RELN: variants seen among roughly 807,000 people sequenced by gnomAD.
RELN encodes the protein reelin.
In RELN, 108 loss-of-function variants were observed where a neutral mutation model predicts 427.6. That is an observed-to-expected ratio of 0.25 (90% CI 0.22 to 0.30). The LOEUF (loss-of-function observed/expected upper bound fraction) is 0.30, where lower values mean the gene tolerates loss of function less well. Among genes scored for constraint, RELN ranks in the 10% least tolerant of loss-of-function variants. The pLI is 1.00. For synonymous variants in RELN, 1,524 were observed against 1,513.4 expected, an observed-to-expected ratio of 1.01 and a Z score of -0.16; for missense variants, 3,715 against 4,302.8, an observed-to-expected ratio of 0.86 and a Z score of 3.82.
intron 54 of RELN, 32 bp from the exon 55 acceptor site, chr7:103,497,958 A>T (rs1828890892): frequency 6.2e-7 from 1 of 1,607,284 alleles, no homozygotes; most frequent in Non-Finnish European, 8.5e-7. Flanking sequence ...CCATCAGAAT[A>T]ATTCATTAGA....
At chr7:103,958,999 T>C (rs1478555313) in intron 1 of RELN, among the ~76,000 whole-genome samples, 2 of 152,218 alleles carry the variant, frequency 1.3e-5, no homozygotes, top group Non-Finnish European at 2.9e-5. Context: ...TCGAGTTCAG[T>C]TGCATGATCT....
chr7:103,523,433 T>G lies in RELN; in HGVS notation c.7448A>C (p.Asp2483Ala). ...GCATCTCCCATGGCCACTGCACATG[T>G]CTATGCAGCCATCCCCGATATAGAC... ...DNVYIGDGCI[D>A]MCSGHGRCIQ... The change falls in exon 47 of 65, where the codon GAC (aspartate) becomes GCC (alanine). Residue 2483 changes from aspartate to alanine, a missense_variant. Physicochemically the swap from Asp to Ala is moderately radical, Grantham distance 126. Transcript: ENST00000428762. The G allele has an allele frequency of 6.2e-7, 1 of 1,614,132 alleles. No homozygotes were observed. Among genetic ancestry groups the G allele is most frequent in the Non-Finnish European group, 8.5e-7 (1 of 1,180,022 alleles).
intron 46 of RELN, among the ~76,000 whole-genome samples, chr7:103,532,470 AAAAG>A (rs915903548): frequency 6.6e-5 from 10 of 152,170 alleles, no homozygotes; most frequent in Non-Finnish European, 1.0e-4. Flanking sequence ...AATGAAAAAA[AAAAG>A]AAGAAGCTTT....
In RELN at chr7:103,892,713, C is replaced by T. The variant is rs2116595755; in HGVS notation, c.337+24362G>A. ...AATTATGAATAGGGAGCATAAAACC[C>T]TTATTCAATAATTGGAAAAATACTT... On this transcript the variant is annotated intron_variant, in intron 2 of 64. Transcript: ENST00000428762. 1.3e-5 allele frequency among the ~76,000 whole-genome samples: 2 copies of T among 152,218 alleles called. 1 individual carries two copies. The highest frequency in any genetic ancestry group is 4.8e-5 in the African/African-American group (2 of 41,554).
chr7:103,960,991 G>T (rs1796541505), intron 1 of RELN, among the ~76,000 whole-genome samples: 1 of 152,202 alleles, frequency 6.6e-6, no homozygotes, highest in African/African-American at 2.4e-5. Context: ...ACACAAGAGG[G>T]ACATTTAAAT....
intron 6 of RELN, among the ~76,000 whole-genome samples, chr7:103,746,633 C>A (rs967483131): frequency 6.6e-6 from 1 of 152,276 alleles, no homozygotes; most frequent in South Asian, 2.1e-4. Context: ...CAAAAGAAGA[C>A]ATTTATGCAG....
chr7:103,643,188 G>A (rs1365137367), intron 16 of RELN, among the ~76,000 whole-genome samples: 1 of 151,990 alleles, frequency 6.6e-6, no homozygotes, highest in Non-Finnish European at 1.5e-5. Flanking sequence ...ACAAGGGTGT[G>A]CATTTTCTCC....
chr7:103,860,263 A>C (rs975184415), intron 2 of RELN, among the ~76,000 whole-genome samples: 5 of 152,198 alleles, frequency 3.3e-5, no homozygotes, highest in Admixed American at 3.3e-4. Context: ...TGAGGCAAAT[A>C]TTTTAACACT....
chr7:103,624,630 G>A (rs1277173956), intron 20 of RELN, among the ~76,000 whole-genome samples: 2 of 152,116 alleles, frequency 1.3e-5, no homozygotes, highest in Non-Finnish European at 2.9e-5. Flanking sequence ...ATTTCACCAG[G>A]TTGGCCAGGC....
chr7:103,770,227 G>A (rs1031445437), intron 4 of RELN, among the ~76,000 whole-genome samples: 4 of 152,144 alleles, frequency 2.6e-5, no homozygotes, highest in Admixed American at 2.6e-4. Context: ...TGGGACTACA[G>A]GCATGTGCCA....
intron 3 of RELN, among the ~76,000 whole-genome samples, chr7:103,788,422 T>C (rs1417287165): frequency 2.0e-5 from 3 of 152,154 alleles, no homozygotes; most frequent in Admixed American, 6.6e-5. Flanking sequence ...GATGACACGA[T>C]TGTATATTTA....
chr7:103,787,288 C>G (rs1792041374), intron 3 of RELN, among the ~76,000 whole-genome samples: 1 of 151,858 alleles, frequency 6.6e-6, no homozygotes, highest in Admixed American at 6.6e-5. Context: ...ATTAAAAGAA[C>G]TAGTAAAGCA....
chr7:103,777,139 T>A (rs1032659343), intron 3 of RELN, among the ~76,000 whole-genome samples: 1 of 152,152 alleles, frequency 6.6e-6, no homozygotes, highest in Non-Finnish European at 1.5e-5. Flanking sequence ...CATAACAAAA[T>A]AAAATCACAT....
Position 103,494,186 on chromosome 7 carries a change from A to C in RELN, c.9369+1537T>G, listed in dbSNP as rs76742567. On this transcript the variant is annotated intron_variant, in intron 57 of 64. Coordinates refer to ENST00000428762, the MANE Select transcript of RELN (RefSeq NM_005045.4). The stretch of plus-strand genomic sequence containing the variant: ...TGGTAGCATTTGGGGAGCTTGCCTT[A>C]CCCTCCAGTCCCCAAAGGAGAGTTT... Among the ~76,000 whole-genome samples the C allele has an allele frequency of 3.9e-5, 6 of 152,124 alleles. No individual in the cohort carries two copies. The East Asian group carries it at 1.2e-3, about 29-fold the overall frequency.
Position 103,654,165 on chromosome 7 carries a change from T to A in RELN, c.1482A>T (p.Ile494=), listed in dbSNP as rs764121311. The A allele has an allele frequency of 3.2e-5, 51 of 1,611,638 alleles. No homozygotes were observed. The highest frequency in any genetic ancestry group is 4.2e-5 in the Non-Finnish European group (49 of 1,178,350). Residue 494 remains isoleucine (I), a synonymous_variant, in exon 13 of 65, where the codon ATA becomes ATT. Transcript: ENST00000428762. Reference sequence around the variant, plus strand: ...TTCCTTCAATTTTTGCATACAGGATTATGTCATTTTCATGAGAATTTCCAG... The same window carrying A: ...TTCCTTCAATTTTTGCATACAGGATAATGTCATTTTCATGAGAATTTCCAG... ...CDPGNSHEND[I]ILYAKIEGRK... is the part of the protein sequence containing the mutation.
intron 4 of RELN, among the ~76,000 whole-genome samples, chr7:103,764,093 G>A (rs1021501993): frequency 1.1e-4 from 16 of 152,052 alleles, no homozygotes; most frequent in African/African-American, 3.6e-4. Context: ...ACAGATTTGG[G>A]ACGGACTAAA....
intron 12 of RELN, among the ~76,000 whole-genome samples, chr7:103,659,122 G>A (rs1833084321): frequency 1.3e-5 from 2 of 151,660 alleles, no homozygotes; most frequent in Non-Finnish European, 2.9e-5. Context: ...CCCTTCATAT[G>A]GCATTCCAGA....
intron 6 of RELN, among the ~76,000 whole-genome samples, chr7:103,737,071 T>C (rs915776097): frequency 6.6e-6 from 1 of 152,056 alleles, no homozygotes. Context: ...GAAAGATTCA[T>C]ATATGATCAA....
rs758093276 is a variant in RELN, at chr7:103,575,685, A to G, written c.4166T>C (p.Ile1389Thr). 3 of 1,614,122 alleles carry G rather than the reference A, an allele frequency of 1.9e-6. No individual in the cohort carries two copies. Among genetic ancestry groups the G allele is most frequent in the Non-Finnish European group, 2.5e-6 (3 of 1,180,002 alleles). The change falls in exon 29 of 65, where the codon ATC (isoleucine) becomes ACC (threonine). Residue 1389 changes from isoleucine (I) to threonine (T), a missense_variant. Ile to Thr is a moderately conservative substitution (Grantham distance 89). Around this residue, in one of 4 missense-constraint regions of RELN, gnomAD observed 2,208 missense variants for 2,361.7 expected, o/e 0.93. Transcript: ENST00000428762. Reference sequence around the variant, plus strand: ...GTTTTTCTGTGAGCTGCTCTCCTGGATCCATCGGAATCTGGTCTTGCTGTT... The same window carrying G: ...GTTTTTCTGTGAGCTGCTCTCCTGGGTCCATCGGAATCTGGTCTTGCTGTT... ...LASSKTRFRWIQESSSQKNVP... is the reference protein window; with the variant it reads ...LASSKTRFRWTQESSSQKNVP...
Sources: allele counts gnomAD v4.1 joint callset (sites outside exome capture counted in the v4.1 genomes callset), GRCh38; gene constraint gnomAD v4.1.1; regional missense constraint gnomAD v4.1.1; transcripts MANE v1.5; gene names NCBI Gene and HGNC (gene_info 2026-07-23, HGNC 2026-07-21).